The following TLK1 variants were observed in gnomAD, a reference collection of about 807,000 sequenced individuals.
TLK1 encodes serine/threonine-protein kinase tousled-like 1.
A neutral mutation model predicts 105.3 loss-of-function variants in TLK1; 24 were observed. That is an observed-to-expected ratio of 0.23 (90% CI 0.17 to 0.32). The LOEUF (loss-of-function observed/expected upper bound fraction) is 0.32, where lower values mean the gene tolerates loss of function less well. Among genes scored for constraint, TLK1 ranks in the 10% least tolerant of loss-of-function variants. The probability of loss-of-function intolerance (pLI) is 1.00; values close to 1 mark genes in which losing one functional copy is unlikely to be tolerated. For missense variants in TLK1, 558 were observed against 910.5 expected (o/e 0.61, Z 4.98); for synonymous variants, 321 against 310.4 (o/e 1.03, Z -0.36).
At chr2:171,050,004 C>T (rs1687159521) in intron 9 of TLK1, 54 bp from the exon 10 acceptor site, 2 of 1,610,098 alleles carry the variant, frequency 1.2e-6, no homozygotes, top group South Asian at 1.1e-5. Context: ...TTTATAAAAG[C>T]ATACAAAGCA....
chr2:171,209,588 G>T (rs1011361488), intron 1 of TLK1, among the ~76,000 whole-genome samples: 13 of 152,120 alleles, frequency 8.5e-5, no homozygotes, highest in Non-Finnish European at 2.9e-5. Context: ...AAGTCTATTT[G>T]TTGAAGTCCT....
intron 12 of TLK1, chr2:171,023,031 A>ATGC (rs1685600722): frequency 2.1e-6 from 1 of 470,732 alleles, no homozygotes; most frequent in Non-Finnish European, 4.4e-6. Flanking sequence ...ATTAATACTG[A>ATGC]TGCTGCTGCT....
chr2:171,018,855 G>C (rs1178187395), intron 12 of TLK1, among the ~76,000 whole-genome samples: 6 of 152,138 alleles, frequency 3.9e-5, no homozygotes, highest in Non-Finnish European at 8.8e-5. Flanking sequence ...ATGAAGAAGA[G>C]ACATAAGTAA....
chr2:171,223,313 A>AT (rs1278812449), intron 1 of TLK1, among the ~76,000 whole-genome samples: 3 of 151,960 alleles, frequency 2.0e-5, no homozygotes, highest in Non-Finnish European at 4.4e-5. Flanking sequence ...AGCATCCATT[A>AT]TTTTTTGTCT....
At chr2:171,081,715 A>G in intron 3 of TLK1, 3 of 1,304,226 alleles carry the variant, frequency 2.3e-6, no homozygotes, top group African/African-American at 3.0e-5. Flanking sequence ...GTTTCTGTGG[A>G]AGGGAAAGCC....
At chr2:171,015,963 A>G (rs1307606612) in intron 12 of TLK1, among the ~76,000 whole-genome samples, 1 of 151,682 alleles carries the variant, frequency 6.6e-6, no homozygotes, top group East Asian at 2.0e-4. Context: ...CTGTAATCCC[A>G]GCTACTTGGG....
At chr2:171,182,310 A>G (rs1383303175) in intron 1 of TLK1, among the ~76,000 whole-genome samples, 1 of 152,258 alleles carries the variant, frequency 6.6e-6, no homozygotes, top group Non-Finnish European at 1.5e-5. Flanking sequence ...TTACAAAGGA[A>G]TAGAAGAATA....
At position 171,067,910 on chromosome 2, in the gene TLK1, T is replaced by C. The variant is rs113680185; in HGVS notation, c.331-6754A>G. 8.0e-3 allele frequency among the ~76,000 whole-genome samples: 1,218 copies of C among 152,308 alleles called. 13 individuals are homozygous for C. The highest frequency in any genetic ancestry group is 0.012 in the Non-Finnish European group (832 of 68,024). ...TCTTGTGTTAGTTTGCTGAGAATGATGGTTTCCAGCTTCATCCATGTCCCT... is the reference window on the plus strand; with the variant it reads ...TCTTGTGTTAGTTTGCTGAGAATGACGGTTTCCAGCTTCATCCATGTCCCT... On this transcript the variant is annotated intron_variant, in intron 3 of 20. Transcript: ENST00000431350.
At chr2:171,012,746 C>T (rs989696183) in intron 13 of TLK1, among the ~76,000 whole-genome samples, 4 of 151,874 alleles carry the variant, frequency 2.6e-5, no homozygotes, top group Admixed American at 6.6e-5. Context: ...CAAAGTACTG[C>T]GATTTCAGGT....
chr2:171,127,383 A>T (rs900618507), intron 1 of TLK1, among the ~76,000 whole-genome samples: 2 of 152,154 alleles, frequency 1.3e-5, no homozygotes, highest in Non-Finnish European at 2.9e-5. Context: ...ATGGTTAATA[A>T]ATAGAACATA....
chr2:170,993,886 G>A lies in TLK1; in HGVS notation c.2195C>T (p.Pro732Leu). 1 of 1,612,564 alleles carries A rather than the reference G, an allele frequency of 6.2e-7. No individual in the cohort carries two copies. Among genetic ancestry groups the A allele is most frequent in the Non-Finnish European group, 8.5e-7 (1 of 1,179,346 alleles). The part of the protein sequence containing the change: ...RFDVHQLAND[P>L]YLLPHMRRSN... ...TCTTCTCATGTGTGGGAGAAGGTATGGGTCATTTGCCAGCTGGTGCACATC... is the reference window on the plus strand; with the variant it reads ...TCTTCTCATGTGTGGGAGAAGGTATAGGTCATTTGCCAGCTGGTGCACATC... Residue 732 changes from proline (P) to leucine (L), a missense_variant, in exon 21 of 21, where the codon CCA (proline) becomes CTA (leucine). Transcript: ENST00000431350.
intron 1 of TLK1, among the ~76,000 whole-genome samples, chr2:171,171,168 TA>T (rs1477074381): frequency 6.6e-6 from 1 of 152,158 alleles, no homozygotes; most frequent in Non-Finnish European, 1.5e-5. Flanking sequence ...TAAACAATAT[TA>T]AGATAAAGAA....
chr2:171,088,977 C>T (rs1215482761), intron 2 of TLK1, among the ~76,000 whole-genome samples: 1 of 152,152 alleles, frequency 6.6e-6, no homozygotes, highest in African/African-American at 2.4e-5. Context: ...CTCCACTTTC[C>T]GGGCTCAAGT....
rs2105343027 is a variant in TLK1, at chr2:170,991,163, A to C, written c.*2617T>G. 1 of 152,290 alleles carries C rather than the reference A, an allele frequency of 6.6e-6. No homozygotes were observed. The highest frequency in any genetic ancestry group is 2.1e-4 in the South Asian group (1 of 4,814). 9.4% of individuals were successfully genotyped at this position (152,290 alleles called of 1,614,324 possible). Reference sequence around the variant, plus strand: ...AGAAAGATTTTAAAATCATATGCAAAAACTGTTGATTTTACCCTACATCAG... The same window carrying C: ...AGAAAGATTTTAAAATCATATGCAACAACTGTTGATTTTACCCTACATCAG... On this transcript the variant is annotated 3_prime_UTR_variant, in exon 21 of 21. Transcript: ENST00000431350.
At chr2:171,072,924 G>A (rs1438099836) in intron 3 of TLK1, among the ~76,000 whole-genome samples, 1 of 103,522 alleles carries the variant, frequency 9.7e-6, no homozygotes, top group Non-Finnish European at 1.9e-5. Context: ...GCAAGACTCT[G>A]TCTCGAAAAA....
chr2:171,113,828 T>C (rs527641795), intron 2 of TLK1, among the ~76,000 whole-genome samples: 1 of 152,302 alleles, frequency 6.6e-6, no homozygotes, highest in South Asian at 2.1e-4. Flanking sequence ...AGAATATCTT[T>C]ATGGTCCAGG....
chr2:171,043,009 T>C (rs561148710), intron 11 of TLK1, among the ~76,000 whole-genome samples: 23 of 150,716 alleles, frequency 1.5e-4, no homozygotes, highest in Non-Finnish European at 3.0e-4. Flanking sequence ...ACATGAAAAA[T>C]AGTAATCTAG....
intron 1 of TLK1, among the ~76,000 whole-genome samples, chr2:171,120,990 C>T (rs902428381): frequency 7.2e-5 from 11 of 152,076 alleles, no homozygotes; most frequent in African/African-American, 2.7e-4. Context: ...TGGGTGCATG[C>T]TACAACACGG....
chr2:171,025,077 G>A (rs1685711504), intron 12 of TLK1, among the ~76,000 whole-genome samples: 1 of 152,054 alleles, frequency 6.6e-6, no homozygotes, highest in African/African-American at 2.4e-5. Context: ...ATTTATTTTA[G>A]CCATGTATTT....
Sources: allele counts gnomAD v4.1 joint callset (sites outside exome capture counted in the v4.1 genomes callset), GRCh38; gene constraint gnomAD v4.1.1; transcripts MANE v1.5; gene names NCBI Gene and HGNC (gene_info 2026-07-23, HGNC 2026-07-21).